UBOX5: variants seen among roughly 807,000 people sequenced by gnomAD.
UBOX5 encodes U-box domain containing 5, also known as RING finger protein 37.
UBOX5 carries 28 observed loss-of-function variants against 39.0 expected under a neutral mutation model. The ratio of observed to expected loss-of-function variants is 0.72; its 90% CI spans 0.53 to 0.98. The LOEUF is 0.98. Ranked by LOEUF, UBOX5 falls within the 50% of genes least tolerant of loss-of-function variation. The pLI is 0.00. For synonymous variants in UBOX5, 283 were observed against 275.5 expected, an observed-to-expected ratio of 1.03 and a Z score of -0.27; for missense variants, 585 against 674.4, an observed-to-expected ratio of 0.87 and a Z score of 1.47.
intron 1 of UBOX5, among the ~76,000 whole-genome samples, chr20:3,138,381 T>C (rs59349457): frequency 6.6e-6 from 1 of 152,214 alleles, no homozygotes; most frequent in South Asian, 2.1e-4. Context: ...ATGGTGGGCA[T>C]GCAGAAATGT....
intron 1 of UBOX5, among the ~76,000 whole-genome samples, chr20:3,144,231 T>C (rs531786448): frequency 8.5e-5 from 13 of 152,188 alleles, no homozygotes; most frequent in African/African-American, 3.1e-4. Flanking sequence ...CAAAACAATA[T>C]TGAAAAATAA....
chr20:3,117,301 A>G (rs1200936090), intron 3 of UBOX5, among the ~76,000 whole-genome samples: 1 of 146,664 alleles, frequency 6.8e-6, no homozygotes, highest in Non-Finnish European at 1.5e-5. Flanking sequence ...ACACACACAC[A>G]CACACACACA....
chr20:3,140,797 G>A (rs1165536409), intron 1 of UBOX5, among the ~76,000 whole-genome samples: 1 of 151,632 alleles, frequency 6.6e-6, no homozygotes, highest in East Asian at 1.9e-4. Flanking sequence ...TTAAGGTTTG[G>A]GGTACAAATA....
chr20:3,155,550 G>A (rs999623248), intron 1 of UBOX5, among the ~76,000 whole-genome samples: 1 of 151,950 alleles, frequency 6.6e-6, no homozygotes, highest in Non-Finnish European at 1.5e-5. Context: ...AAGTGGGTCG[G>A]GAGAGGAAAC....
At chr20:3,112,652 G>A (rs865661) in intron 4 of UBOX5, among the ~76,000 whole-genome samples, 40,924 of 151,952 alleles carry the variant, frequency 0.27, 6,685 homozygotes, top group Non-Finnish European at 0.36. Context: ...CAGCCTATCC[G>A]TTAAAGAAAA....
chr20:3,139,625 C>T (rs1016141522), intron 1 of UBOX5, among the ~76,000 whole-genome samples: 1 of 151,796 alleles, frequency 6.6e-6, no homozygotes, highest in African/African-American at 2.4e-5. Flanking sequence ...CTCCTGACAG[C>T]CTGGTCTTAA....
At chr20:3,140,917 T>C (rs1017814035) in intron 1 of UBOX5, among the ~76,000 whole-genome samples, 4 of 93,788 alleles carry the variant, frequency 4.3e-5, no homozygotes, top group Admixed American at 3.8e-4. Context: ...GGTTGCCAGA[T>C]TTTTTTTTTT....
chr20:3,152,568 C>T (rs1298677488), intron 1 of UBOX5, among the ~76,000 whole-genome samples: 1 of 152,018 alleles, frequency 6.6e-6, no homozygotes, highest in Non-Finnish European at 1.5e-5. Context: ...CAATGTGCAA[C>T]TAAAGCCATA....
At chr20:3,148,875 G>C in intron 1 of UBOX5, 2 of 1,614,158 alleles carry the variant, frequency 1.2e-6, no homozygotes, top group Non-Finnish European at 1.7e-6. Context: ...AGGATTCTCC[G>C]AGAAGAGAAG....
chr20:3,134,289 AC>A (rs1288684405), intron 1 of UBOX5, among the ~76,000 whole-genome samples: 1 of 152,106 alleles, frequency 6.6e-6, no homozygotes, highest in Non-Finnish European at 1.5e-5. Context: ...TATGACTAAA[AC>A]AGTTTCTCCA....
In UBOX5 at chr20:3,129,902, T is replaced by A. The variant is rs184941520; in HGVS notation, c.-41-6496A>T. Among the ~76,000 whole-genome samples, 241 of 152,320 alleles carry A rather than the reference T, an allele frequency of 1.6e-3. 7 individuals carry two copies. The highest frequency in any genetic ancestry group is 0.014 in the Admixed American group (221 of 15,296). On this transcript the variant is annotated intron_variant, in intron 1 of 4. Transcript: ENST00000217173. ...TATTTTTATATAATAGAGCATAATATGTAAGGTAGCTTAAAATAATTTTGG... is the reference window on the plus strand; with the variant it reads ...TATTTTTATATAATAGAGCATAATAAGTAAGGTAGCTTAAAATAATTTTGG...
In UBOX5 at chr20:3,122,488, C is replaced by T; in HGVS notation, c.151G>A (p.Val51Ile). The T allele has an allele frequency of 1.2e-6, 2 of 1,614,136 alleles. No individual in the cohort carries two copies. The highest frequency in any genetic ancestry group is 1.1e-5 in the South Asian group (1 of 91,074). Residue 51 changes from valine to isoleucine, a missense_variant, in exon 3 of 5, where the codon GTC (valine) becomes ATC (isoleucine). Physicochemically the swap from Val to Ile is conservative, Grantham distance 29. Coordinates refer to ENST00000217173, the MANE Select transcript of UBOX5 (RefSeq NM_014948.4). Reference sequence around the variant, plus strand: ...AAGGGAAATGAAACTGTCACATAGACTGGTGGCTTAATGAAATACTCTGTC... The same window carrying T: ...AAGGGAAATGAAACTGTCACATAGATTGGTGGCTTAATGAAATACTCTGTC... ...FRTEYFIKPP[V>I]YVTVSFPFNV...
intron 1 of UBOX5, among the ~76,000 whole-genome samples, chr20:3,143,735 G>A (rs1361653767): frequency 6.6e-6 from 1 of 152,214 alleles, no homozygotes; most frequent in African/African-American, 2.4e-5. Flanking sequence ...GGAGCTTGCA[G>A]TGAGTCGAGA....
intron 4 of UBOX5, 55 bp from the exon 5 acceptor site, chr20:3,110,369 AGGCTGCTCTGAGG>A: frequency 6.2e-7 from 1 of 1,601,404 alleles, no homozygotes; most frequent in Non-Finnish European, 8.6e-7. Context: ...TCCATGGTCC[AGGCTGCTCTGAGG>A]GGCAGAGCCT....
At chr20:3,156,153 C>G (rs189918730) in intron 1 of UBOX5, among the ~76,000 whole-genome samples, 10 of 150,694 alleles carry the variant, frequency 6.6e-5, no homozygotes, top group Non-Finnish European at 1.5e-4. Flanking sequence ...ATGAGATGCT[C>G]AGTCAATTAA....
intron 1 of UBOX5, among the ~76,000 whole-genome samples, chr20:3,135,163 G>A (rs1038184094): frequency 3.9e-5 from 6 of 151,932 alleles, no homozygotes; most frequent in Non-Finnish European, 5.9e-5. Context: ...TTAAAAAAAC[G>A]TTGGTCAAAA....
intron 1 of UBOX5, among the ~76,000 whole-genome samples, chr20:3,151,022 C>T (rs532035083): frequency 1.3e-5 from 2 of 152,160 alleles, no homozygotes; most frequent in Admixed American, 1.3e-4. Flanking sequence ...GCAAAAACTA[C>T]AGGTGCACAC....
chr20:3,122,106 G>T lies in UBOX5; in HGVS notation c.533C>A (p.Thr178Asn). Residue 178 changes from threonine to asparagine, a missense_variant, in exon 3 of 5, where the codon ACC becomes AAC. Thr to Asn is a moderately conservative substitution (Grantham distance 65). Transcript: ENST00000217173. ...SHVAHLRICI[T>N]HVTGGGIPCI... ...AGGGATACCGCCGCCTGTCACATGG[G>T]TGATACAGATCCTTAAGTGGGCCAC... is the stretch of plus-strand genomic sequence containing the variant. 1 of 1,614,238 alleles carries T rather than the reference G, an allele frequency of 6.2e-7. No individual in the cohort carries two copies. Among genetic ancestry groups the T allele is most frequent in the Non-Finnish European group, 8.5e-7 (1 of 1,180,042 alleles).
chr20:3,152,857 G>T (rs1050739346), intron 1 of UBOX5, among the ~76,000 whole-genome samples: 5 of 151,044 alleles, frequency 3.3e-5, no homozygotes, highest in East Asian at 1.9e-4. Flanking sequence ...AGTGAGCTGA[G>T]ATCATACTAC....
Sources: allele counts gnomAD v4.1 joint callset (sites outside exome capture counted in the v4.1 genomes callset), GRCh38; gene constraint gnomAD v4.1.1; transcripts MANE v1.5; gene names NCBI Gene and HGNC (gene_info 2026-07-23, HGNC 2026-07-21).